The following NELL2 variants were observed in gnomAD, a reference collection of about 807,000 sequenced individuals.
The protein encoded by NELL2 is protein kinase C-binding protein NELL2.
NELL2 carries 41 observed loss-of-function variants against 109.6 expected under a neutral mutation model. That is an observed-to-expected ratio of 0.37 (90% CI 0.29 to 0.49). The LOEUF (loss-of-function observed/expected upper bound fraction) is 0.49, where lower values mean the gene tolerates loss of function less well. NELL2 is among the 20% of genes least tolerant of loss of function. The pLI is 0.98. For synonymous variants in NELL2, 355 were observed against 344.7 expected, an observed-to-expected ratio of 1.03 and a Z score of -0.33; for missense variants, 900 against 1,008.3, an observed-to-expected ratio of 0.89 and a Z score of 1.45.
At chr12:44,695,039 GAAGGAAGA>G (rs1410584897) in intron 12 of NELL2, among the ~76,000 whole-genome samples, 3 of 146,112 alleles carry the variant, frequency 2.1e-5, no homozygotes, top group Non-Finnish European at 4.5e-5. Flanking sequence ...AAAAATGAAG[GAAGGAAGA>G]AAGGAAGGAA....
intron 2 of NELL2, chr12:44,851,906 C>T (rs1944545588): frequency 1.3e-5 from 2 of 152,118 alleles, no homozygotes; most frequent in South Asian, 4.2e-4. Context: ...TTGCTCAAAA[C>T]CTACAATGCC....
intron 9 of NELL2, among the ~76,000 whole-genome samples, chr12:44,771,473 C>T (rs1476588235): frequency 2.6e-5 from 4 of 152,092 alleles, no homozygotes; most frequent in Non-Finnish European, 2.9e-5. Context: ...GGAGATAATA[C>T]GTACTTATAG....
At chr12:44,605,496 T>G (rs1027942556) in intron 15 of NELL2, among the ~76,000 whole-genome samples, 7 of 152,162 alleles carry the variant, frequency 4.6e-5, no homozygotes, top group African/African-American at 1.7e-4. Flanking sequence ...AAGGTTCAAG[T>G]ATAATGAAAT....
intron 2 of NELL2, among the ~76,000 whole-genome samples, chr12:44,829,512 T>C (rs992440228): frequency 1.1e-4 from 16 of 152,158 alleles, no homozygotes; most frequent in African/African-American, 3.6e-4. Context: ...TGAACCATCA[T>C]AATTTATAGA....
At chr12:44,613,153 G>A (rs753346696) in intron 13 of NELL2, among the ~76,000 whole-genome samples, 2 of 151,974 alleles carry the variant, frequency 1.3e-5, no homozygotes, top group African/African-American at 2.4e-5. Context: ...CGTATTGTGC[G>A]AAGATACCTT....
At chr12:44,701,571 G>A (rs1668338511) in intron 12 of NELL2, among the ~76,000 whole-genome samples, 2 of 152,026 alleles carry the variant, frequency 1.3e-5, no homozygotes, top group Non-Finnish European at 2.9e-5. Flanking sequence ...CTGTCTCAAT[G>A]CCATCCATGT....
intron 9 of NELL2, among the ~76,000 whole-genome samples, chr12:44,733,234 T>C (rs562722296): frequency 1.2e-4 from 19 of 152,034 alleles, no homozygotes; most frequent in Non-Finnish European, 2.5e-4. Context: ...GAAATAAGAA[T>C]CTCAAAGAGA....
At chr12:44,812,748 TA>T (rs1273405340) in intron 3 of NELL2, among the ~76,000 whole-genome samples, 1 of 152,058 alleles carries the variant, frequency 6.6e-6, no homozygotes, top group East Asian at 1.9e-4. Flanking sequence ...AGGGCATTAG[TA>T]AAAAGACTCA....
At chr12:44,778,933 G>T (rs556724434) in intron 5 of NELL2, among the ~76,000 whole-genome samples, 1 of 152,220 alleles carries the variant, frequency 6.6e-6, no homozygotes, top group South Asian at 2.1e-4. Context: ...GATCTACCTT[G>T]AAATCTATGA....
intron 2 of NELL2, among the ~76,000 whole-genome samples, chr12:44,824,270 G>A (rs1566476923): frequency 6.6e-6 from 1 of 152,074 alleles, no homozygotes. Context: ...TTTTTAGTTT[G>A]GTGCAATCTC....
At chr12:44,876,446 C>A (rs756132593), upstream of NELL2, 3 of 1,287,842 alleles carry the variant, frequency 2.3e-6, no homozygotes, top group Non-Finnish European at 2.0e-6. Context: ...GTCTCCCGCA[C>A]GGTCTCCTGG....
At chr12:44,775,257 A>ACG (rs201799573) in intron 8 of NELL2, among the ~76,000 whole-genome samples, 1,906 of 151,210 alleles carry the variant, frequency 0.013, 43 homozygotes, top group African/African-American at 0.043. Context: ...GTGCGCACGC[A>ACG]CACACACACA....
At chr12:44,767,619 T>C (rs1941388174) in intron 9 of NELL2, among the ~76,000 whole-genome samples, 2 of 152,144 alleles carry the variant, frequency 1.3e-5, no homozygotes, top group African/African-American at 4.8e-5. Context: ...ATAAATTAGT[T>C]AGAAACAATC....
chr12:44,847,045 A>G (rs1484400601), intron 2 of NELL2, among the ~76,000 whole-genome samples: 4 of 152,212 alleles, frequency 2.6e-5, no homozygotes, highest in Admixed American at 2.6e-4. Flanking sequence ...TTTCTCCCAT[A>G]CTATGCAATG....
rs1204151112 is a variant in NELL2, at chr12:44,842,109, G to GAGGAAGGAAGGAAGGA, written c.185-25989_185-25974dup. On this transcript the variant is annotated intron_variant, in intron 2 of 19. Transcript: ENST00000429094. ...GAAGGGAGGGAGGGAGGGAGGGAGGGAGGAAGGAAGGAAGGAAGGAAGGAA... is the reference window on the plus strand; with the variant it reads ...GAAGGGAGGGAGGGAGGGAGGGAGGGAGGAAGGAAGGAAGGAAGGAAGGAAGGAAGGAAGGAAGGAA... Among the ~76,000 whole-genome samples, 68 of 38,674 alleles carry GAGGAAGGAAGGAAGGA rather than the reference G, an allele frequency of 1.8e-3. 1 individual carries two copies. Among genetic ancestry groups the GAGGAAGGAAGGAAGGA allele is most frequent in the East Asian group, 7.3e-3 (12 of 1,646 alleles). 25.4% of individuals were successfully genotyped at this position (38,674 alleles called of 152,430 possible).
chr12:44,785,550 A>G (rs904677609), intron 3 of NELL2, among the ~76,000 whole-genome samples: 1 of 152,180 alleles, frequency 6.6e-6, no homozygotes, highest in Non-Finnish European at 1.5e-5. Context: ...ATATGGAAAC[A>G]AAAAAGAGCC....
intron 15 of NELL2, among the ~76,000 whole-genome samples, chr12:44,540,288 G>A (rs1489835477): frequency 6.6e-6 from 1 of 152,092 alleles, no homozygotes; most frequent in Non-Finnish European, 1.5e-5. Flanking sequence ...AATGACAGCA[G>A]CATAGGGGAA....
chr12:44,825,173 G>T (rs1364920959), intron 2 of NELL2, among the ~76,000 whole-genome samples: 1 of 152,018 alleles, frequency 6.6e-6, no homozygotes, highest in African/African-American at 2.4e-5. Context: ...AATAGGAATT[G>T]CATTGAATCT....
intron 2 of NELL2, among the ~76,000 whole-genome samples, chr12:44,868,119 C>CAAAAAAAAAAAAAAAAAAAAAAAAAA (rs34038469): frequency 1.5e-5 from 1 of 64,654 alleles, no homozygotes; most frequent in African/African-American, 6.7e-5. Context: ...GGCTCCATCT[C>CAAAAAAAAAAAAAAAAAAAAAAAAAA]AAAAAAAAAA....
Sources: gnomAD v4.1 joint callset for allele counts (sites outside exome capture counted in the v4.1 genomes callset) on GRCh38, gnomAD v4.1.1 for gene constraint, MANE v1.5 for transcripts, NCBI Gene and HGNC (gene_info 2026-07-23, HGNC 2026-07-21) for gene names.